ZNF674: variants seen among roughly 807,000 people sequenced by gnomAD.
ZNF674 encodes zinc finger family member 674.
In ZNF674, 2 loss-of-function variants were observed where a neutral mutation model predicts 7.0. That is an observed-to-expected ratio of 0.29 (90% confidence interval 0.12 to 0.90). ZNF674 has a LOEUF of 0.90. Among genes scored for constraint, ZNF674 ranks in the 40% least tolerant of loss-of-function variants. The pLI, the probability that ZNF674 is intolerant of heterozygous loss-of-function variation, is 0.57. For missense variants in ZNF674, 297 were observed against 415.5 expected (o/e 0.71, Z 2.48); for synonymous variants, 103 against 145.2 (o/e 0.71, Z 2.09).
rs781188926 is a variant in ZNF674, at chrX:46,500,636, T to C, written c.938A>G (p.Lys313Arg). The change falls in exon 6 of 6, where the codon AAG (lysine) becomes AGG (arginine). Residue 313 changes from lysine (K) to arginine (R), a missense_variant. Transcript: ENST00000683375. ...ATGTCTAATAAGATGATATGAACTC[T>C]TAAAGGCTTTTGGACATTTGTCACA... Reference protein sequence around the residue: ...FVCDKCPKAFKSSYHLIRHEK... With the variant: ...FVCDKCPKAFRSSYHLIRHEK... 9.1e-6 allele frequency: 11 copies of C among 1,209,811 alleles called. No individual in the cohort carries two copies. In the African/African-American group the frequency reaches 1.6e-4, roughly 17 times the overall value.
chrX:46,504,589 C>T (rs1002275671), intron 5 of ZNF674, among the ~76,000 whole-genome samples: 2 of 111,279 alleles, frequency 1.8e-5, no homozygotes, highest in South Asian at 3.7e-4. Context: ...GCGATCCACC[C>T]GCCTCGGCCC....
chrX:46,517,011 A>AAAAAAG (rs1380656927), intron 5 of ZNF674, among the ~76,000 whole-genome samples: 1 of 110,873 alleles, frequency 9.0e-6, no homozygotes, highest in Non-Finnish European at 1.9e-5. Context: ...CTCAAAAAAA[A>AAAAAAG]AAAAAGAAAA....
intron 5 of ZNF674, among the ~76,000 whole-genome samples, chrX:46,510,640 A>C (rs1941636693): frequency 9.0e-6 from 1 of 111,728 alleles, no homozygotes; most frequent in Admixed American, 9.6e-5. Flanking sequence ...AAATATAAAA[A>C]ATTAGCCAGG....
chrX:46,521,707 G>T (rs980510347), intron 5 of ZNF674, among the ~76,000 whole-genome samples: 1 of 109,980 alleles, frequency 9.1e-6, no homozygotes, highest in African/African-American at 3.3e-5. Flanking sequence ...TGGCTGACAT[G>T]GCAAAACCCC....
At chrX:46,543,901 T>TAA (rs1194159438) in intron 2 of ZNF674, among the ~76,000 whole-genome samples, 4 of 112,536 alleles carry the variant, frequency 3.6e-5, no homozygotes, top group Non-Finnish European at 7.5e-5. Context: ...ACTAAAAATA[T>TAA]ATTTTCTGCA....
At chrX:46,531,638 TTTCC>T (rs1393915654) in intron 3 of ZNF674, among the ~76,000 whole-genome samples, 1 of 110,254 alleles carries the variant, frequency 9.1e-6, no homozygotes, top group Non-Finnish European at 1.9e-5. Flanking sequence ...AAAACTTGGG[TTTCC>T]TTCCTTATCT....
intron 5 of ZNF674, among the ~76,000 whole-genome samples, chrX:46,511,239 T>A (rs1311531519): frequency 7.1e-5 from 8 of 112,137 alleles, no homozygotes. Flanking sequence ...ATTGCCTTTA[T>A]AAAGATAATT....
chrX:46,532,832 T>C (rs1239415740), intron 3 of ZNF674, among the ~76,000 whole-genome samples: 1 of 112,094 alleles, frequency 8.9e-6, no homozygotes, highest in Non-Finnish European at 1.9e-5. Flanking sequence ...ACACTAAAGA[T>C]AGCCGATGAG....
chrX:46,507,637 C>T (rs1399017763), intron 5 of ZNF674, among the ~76,000 whole-genome samples: 1 of 111,281 alleles, frequency 9.0e-6, no homozygotes, highest in African/African-American at 3.3e-5. Flanking sequence ...AGAGAGCTAA[C>T]TGTATAGTCA....
At position 46,501,331 on chromosome X, in the gene ZNF674, G is replaced by T; in HGVS notation, c.243C>A (p.Val81=). Reference sequence around the variant, plus strand: ...GATCTATCTGCTCGTCAACTTCCCAGACTTCTAGAAGAAAATGCAATGAAT... The same window carrying T: ...GATCTATCTGCTCGTCAACTTCCCATACTTCTAGAAGAAAATGCAATGAAT... ...GGTPVRTCAE[V]WEVDEQIDHY... is the part of the protein sequence containing the mutation. The change falls in exon 6 of 6, where the codon GTC becomes GTA. Residue 81 remains valine (V), a synonymous_variant. Coordinates refer to ENST00000683375, the MANE Select transcript of ZNF674 (RefSeq NM_001190417.2). 1 of 1,200,565 alleles carries T rather than the reference G, an allele frequency of 8.3e-7. No individual in the cohort carries two copies. Among genetic ancestry groups the T allele is most frequent in the East Asian group, 3.0e-5 (1 of 33,690 alleles).
In ZNF674 at chrX:46,542,097, C is replaced by T. The variant is rs764491288; in HGVS notation, c.-10G>A. On this transcript the variant is annotated 5_prime_UTR_variant, in exon 3 of 6. Transcript: ENST00000683375. Reference sequence around the variant, plus strand: ...CCTGGGACATGGCCATCTTGTTGTGCTCCTGCAAAGGATGGAGATCTACAA... The same window carrying T: ...CCTGGGACATGGCCATCTTGTTGTGTTCCTGCAAAGGATGGAGATCTACAA... 1.3e-4 allele frequency: 157 copies of T among 1,190,583 alleles called. No individual in the cohort carries two copies. The highest frequency in any genetic ancestry group is 1.6e-4 in the Non-Finnish European group (138 of 881,623).
At chrX:46,504,812 G>A (rs1269678891) in intron 5 of ZNF674, among the ~76,000 whole-genome samples, 1 of 111,146 alleles carries the variant, frequency 9.0e-6, no homozygotes, top group Non-Finnish European at 1.9e-5. Flanking sequence ...ATAGGCCTCA[G>A]GAGGGGAAAA....
intron 5 of ZNF674, among the ~76,000 whole-genome samples, chrX:46,512,023 CAAA>C (rs373241005): frequency 1.7e-5 from 1 of 59,080 alleles, no homozygotes. Context: ...AACTCCATCT[CAAA>C]AAAAAAAAAA....
chrX:46,535,041 G>A (rs1449291260), intron 3 of ZNF674, among the ~76,000 whole-genome samples: 11 of 112,204 alleles, frequency 9.8e-5, no homozygotes, highest in Admixed American at 4.7e-4. Context: ...GCTTCCAGCC[G>A]GCTAAAAGCC....
chrX:46,535,746 A>T (rs1452987532), intron 3 of ZNF674, among the ~76,000 whole-genome samples: 3 of 111,954 alleles, frequency 2.7e-5, no homozygotes, highest in Non-Finnish European at 3.8e-5. Flanking sequence ...ATATATATCA[A>T]ATTTTACATT....
At chrX:46,510,870 A>G (rs1941641902) in intron 5 of ZNF674, among the ~76,000 whole-genome samples, 1 of 112,753 alleles carries the variant, frequency 8.9e-6, no homozygotes, top group Non-Finnish European at 1.9e-5. Context: ...GATGAAAGAT[A>G]TCTTTCAAAA....
intron 3 of ZNF674, among the ~76,000 whole-genome samples, chrX:46,534,842 G>A (rs762439987): frequency 1.8e-5 from 2 of 109,220 alleles, no homozygotes; most frequent in South Asian, 7.9e-4. Context: ...CTGGGTTCGA[G>A]TGATTTTCCT....
At chrX:46,541,182 A>G (rs1174990463) in intron 3 of ZNF674, among the ~76,000 whole-genome samples, 1 of 109,432 alleles carries the variant, frequency 9.1e-6, no homozygotes, top group African/African-American at 3.3e-5. Flanking sequence ...ACCAACATGG[A>G]GAAACCTCAT....
intron 3 of ZNF674, among the ~76,000 whole-genome samples, chrX:46,541,302 A>T: frequency 9.4e-6 from 1 of 106,326 alleles, no homozygotes; most frequent in Non-Finnish European, 1.9e-5. Context: ...CGGAGGTTGC[A>T]GTGAGCCGAT....
Sources: allele counts gnomAD v4.1 joint callset (sites outside exome capture counted in the v4.1 genomes callset), GRCh38; gene constraint gnomAD v4.1.1; transcripts MANE v1.5; gene names NCBI Gene and HGNC (gene_info 2026-07-23, HGNC 2026-07-21).